Variants in DPY30 observed in about 807,000 individuals in gnomAD.
The protein encoded by DPY30 is dpy-30 histone methyltransferase complex regulatory subunit.
Under a neutral mutation model 16.2 loss-of-function variants are expected in DPY30, and 6 were observed. The observed-to-expected ratio is 0.37, with a 90% CI of 0.20 to 0.73. The LOEUF is 0.73. DPY30 is among the 30% of genes least tolerant of loss of function. The pLI, the probability that DPY30 is intolerant of heterozygous loss-of-function variation, is 0.51. For missense variants in DPY30, 73 were observed against 113.1 expected (o/e 0.65, Z 1.61); for synonymous variants, 39 against 38.8 (o/e 1.00, Z -0.02).
chr2:32,030,064 C>CAA (rs398042393), intron 3 of DPY30, among the ~76,000 whole-genome samples: 48 of 102,694 alleles, frequency 4.7e-4, no homozygotes, highest in Admixed American at 1.6e-3. Context: ...AGTGTGTTCC[C>CAA]AAAAAAAAAA....
intron 4 of DPY30, among the ~76,000 whole-genome samples, chr2:32,029,114 A>C (rs1012787053): frequency 6.6e-6 from 1 of 152,098 alleles, no homozygotes; most frequent in Non-Finnish European, 1.5e-5. Context: ...TTTACTAAAA[A>C]TACAAAAATT....
At chr2:32,039,374 G>C (rs910414408) in intron 2 of DPY30, 47 bp downstream of exon 2, 1 of 1,614,000 alleles carries the variant, frequency 6.2e-7, no homozygotes, top group East Asian at 2.2e-5. Flanking sequence ...CCCCTTTCTC[G>C]CTGCCTCCCT....
downstream of DPY30, among the ~76,000 whole-genome samples, chr2:32,022,587 G>A (rs757600309): frequency 1.3e-5 from 2 of 151,162 alleles, no homozygotes; most frequent in East Asian, 3.9e-4. Context: ...GCACAATCTC[G>A]GCTCACTGCA....
intron 4 of DPY30, among the ~76,000 whole-genome samples, chr2:32,026,507 G>C (rs1195114690): frequency 6.6e-6 from 1 of 151,872 alleles, no homozygotes; most frequent in African/African-American, 2.4e-5. Flanking sequence ...GTAATATTTG[G>C]AGGCCGAGTG....
rs576134607 is a variant in DPY30, at chr2:32,017,578, G to T, written n.378-5526C>A. 9.4e-5 allele frequency among the ~76,000 whole-genome samples: 14 copies of T among 148,536 alleles called. No homozygotes were observed. The East Asian group carries it at 2.4e-3, about 26-fold the overall frequency. On this transcript the variant is annotated intron_variant and non_coding_transcript_variant, in intron 5 of 5. Transcript: ENST00000414013. ...TGCAGTGAGTCGAGATAGTGCCATT[G>T]CACTCCAGCCTGGGCAAGAAGACCA... is the stretch of plus-strand genomic sequence containing the variant.
intron 5 of DPY30, among the ~76,000 whole-genome samples, chr2:32,012,539 T>A (rs997173774): frequency 6.7e-6 from 1 of 149,106 alleles, no homozygotes; most frequent in East Asian, 2.0e-4. Context: ...CAAGTGATTC[T>A]CTTGCCTCAG....
At chr2:32,026,923 CT>C (rs534056939) in intron 4 of DPY30, among the ~76,000 whole-genome samples, 405 of 140,180 alleles carry the variant, frequency 2.9e-3, no homozygotes, top group African/African-American at 4.5e-3. Flanking sequence ...CCTTTTTTCC[CT>C]TTTTTTTTTT....
chr2:32,028,818 C>T (rs1318990156), intron 4 of DPY30, among the ~76,000 whole-genome samples: 1 of 151,664 alleles, frequency 6.6e-6, no homozygotes, highest in Non-Finnish European at 1.5e-5. Context: ...CAATAATCAG[C>T]CAGGCGTGGT....
chr2:32,039,630 G>A (rs755368609), intron 1 of DPY30, 103 bp downstream of exon 1: 27 of 751,980 alleles, frequency 3.6e-5, no homozygotes, highest in Non-Finnish European at 5.9e-5. Context: ...GAGCAGCAGA[G>A]TGGGACAGTC....
chr2:32,036,670 CAAAA>C (rs766384887), intron 3 of DPY30, among the ~76,000 whole-genome samples: 3 of 70,440 alleles, frequency 4.3e-5, no homozygotes, highest in Admixed American at 3.3e-4. Flanking sequence ...GACTCTGTCT[CAAAA>C]AAAAAAAAAA....
intron 3 of DPY30, among the ~76,000 whole-genome samples, chr2:32,037,881 T>C (rs1335289499): frequency 6.6e-6 from 1 of 151,776 alleles, no homozygotes; most frequent in Non-Finnish European, 1.5e-5. Flanking sequence ...AAACAAGACA[T>C]GTGTGATTCA....
At chr2:32,018,584 G>A (rs1166159103) in intron 5 of DPY30, among the ~76,000 whole-genome samples, 2 of 152,064 alleles carry the variant, frequency 1.3e-5, no homozygotes, top group Admixed American at 6.6e-5. Flanking sequence ...AAAATTAGCC[G>A]GGCATGGTGA....
chr2:32,020,096 G>A (rs999872102), downstream of DPY30, among the ~76,000 whole-genome samples: 6 of 151,910 alleles, frequency 3.9e-5, no homozygotes, highest in Non-Finnish European at 8.8e-5. Context: ...GTGTGTGCCT[G>A]TAGTCCCACC....
chr2:32,022,672 C>T (rs1675212227), downstream of DPY30, among the ~76,000 whole-genome samples: 1 of 151,994 alleles, frequency 6.6e-6, no homozygotes, highest in South Asian at 2.1e-4. Flanking sequence ...CACATGCCAC[C>T]ATGCCTGGCT....
At chr2:32,031,295 C>T (rs1675530199) in intron 3 of DPY30, among the ~76,000 whole-genome samples, 1 of 151,948 alleles carries the variant, frequency 6.6e-6, no homozygotes, top group Non-Finnish European at 1.5e-5. Context: ...TAGTGCACAC[C>T]TGTACTCCCA....
downstream of DPY30, among the ~76,000 whole-genome samples, chr2:32,019,835 A>AAAT (rs1553386425): frequency 5.7e-5 from 7 of 123,010 alleles, no homozygotes; most frequent in East Asian, 4.5e-4. Context: ...AAAAAAAAAA[A>AAAT]ATATATATAT....
downstream of DPY30, among the ~76,000 whole-genome samples, chr2:32,022,093 T>TCA (rs564218487): frequency 1.6e-3 from 239 of 151,864 alleles, no homozygotes; most frequent in African/African-American, 5.6e-3. Flanking sequence ...ACCTGTAGTC[T>TCA]CATCTACTCA....
chr2:32,029,451 G>C (rs1675452008), intron 4 of DPY30, 143 bp downstream of exon 4: 1 of 953,592 alleles, frequency 1.0e-6, no homozygotes. Flanking sequence ...TGAATTATGA[G>C]ATTATGGCTG....
rs1179090939 is a variant in DPY30 at position 32,024,001 on chromosome 2, T to C, written c.*183A>G. On this transcript the variant is annotated 3_prime_UTR_variant, in exon 5 of 5. Transcript: ENST00000342166. The stretch of plus-strand genomic sequence containing the variant: ...ACAGAATACACTCATTAAATAGGTA[T>C]GGTTTATGGTGATTAAATCAAAATA... The C allele has an allele frequency of 2.8e-6, 4 of 1,444,884 alleles. No individual in the cohort carries two copies. The highest frequency in any genetic ancestry group is 2.9e-5 in the African/African-American group (2 of 69,618). The allele number at this position is 1,444,884 out of a possible 1,614,324, so 89.5% of individuals were successfully genotyped here. A position where few individuals can be genotyped will look rare whatever the true frequency, so the allele number is the denominator to read the frequency against.
Sources: gnomAD v4.1 joint callset for allele counts (sites outside exome capture counted in the v4.1 genomes callset) on GRCh38, gnomAD v4.1.1 for gene constraint, MANE v1.5 for transcripts, NCBI Gene and HGNC (gene_info 2026-07-23, HGNC 2026-07-21) for gene names.